Variants in TUSC3 observed in about 807,000 individuals in gnomAD.
TUSC3 encodes tumor suppressor candidate 3.
A neutral mutation model predicts 44.8 loss-of-function variants in TUSC3; 45 were observed. The observed-to-expected ratio is 1.00, with a 90% CI of 0.79 to 1.29. The LOEUF is 1.29. Ranked by LOEUF, TUSC3 falls within the 50% of genes most tolerant of loss-of-function variation. The pLI, the probability that TUSC3 is intolerant of heterozygous loss-of-function variation, is 0.00. For missense variants in TUSC3, 519 were observed against 437.9 expected, an observed-to-expected ratio of 1.19 and a Z score of -1.65; for synonymous variants, 212 against 152.9, an observed-to-expected ratio of 1.39 and a Z score of -2.85.
chr8:15,533,851 C>T (rs1801483299), intron 2 of TUSC3, among the ~76,000 whole-genome samples: 1 of 152,010 alleles, frequency 6.6e-6, no homozygotes, highest in East Asian at 1.9e-4. Flanking sequence ...TCTCTCCAGT[C>T]AGTGGGGAGG....
intron 1 of TUSC3, among the ~76,000 whole-genome samples, chr8:15,604,392 T>G (rs2129155968): frequency 6.6e-6 from 1 of 151,902 alleles, no homozygotes; most frequent in East Asian, 1.9e-4. Context: ...ACAGACCTTA[T>G]TCGATGATAA....
chr8:15,850,864 A>G, the TUSC3 span, among the ~76,000 whole-genome samples: 1 of 152,226 alleles, frequency 6.6e-6, no homozygotes, highest in African/African-American at 2.4e-5. Flanking sequence ...TCTAGCTTCT[A>G]TGAGTTGAAA....
In TUSC3 at chr8:15,647,791, G is replaced by A. The variant is rs930344610; in HGVS notation, c.309-2906G>A. Among the ~76,000 whole-genome samples the A allele has an allele frequency of 5.3e-5, 8 of 151,838 alleles. No individual in the cohort carries two copies. In the East Asian group the frequency reaches 7.7e-4, roughly 15 times the overall value. On this transcript the variant is annotated intron_variant, in intron 2 of 10. Coordinates refer to ENST00000503731, the MANE Select transcript of TUSC3 (RefSeq NM_006765.4). ...TTCAAACTTGATTATTTGTCTCAAC[G>A]TGCAATTTTAAATAGAAAATAATAT...
intron 2 of TUSC3, among the ~76,000 whole-genome samples, chr8:15,516,905 AG>A (rs1251262467): frequency 6.6e-6 from 1 of 152,190 alleles, no homozygotes. Context: ...TGTAATTTTA[AG>A]GAGTGAGATT....
the TUSC3 span, among the ~76,000 whole-genome samples, chr8:15,798,487 A>T: frequency 6.6e-6 from 1 of 152,166 alleles, no homozygotes; most frequent in Admixed American, 6.5e-5. Flanking sequence ...AAAGTCGCTG[A>T]GATCGGGGTA....
chr8:15,726,442 T>C (rs1227660050), intron 6 of TUSC3, among the ~76,000 whole-genome samples: 2 of 152,214 alleles, frequency 1.3e-5, no homozygotes, highest in Non-Finnish European at 2.9e-5. Flanking sequence ...AATTTTGTTA[T>C]AACCTTATTT....
intron 2 of TUSC3, among the ~76,000 whole-genome samples, chr8:15,492,857 G>A (rs1360689365): frequency 1.3e-5 from 2 of 151,568 alleles, no homozygotes; most frequent in Non-Finnish European, 2.9e-5. Flanking sequence ...TATAGAATAT[G>A]CAAAATATTA....
intron 3 of TUSC3, chr8:15,651,018 C>A (rs28758439): frequency 5.6e-6 from 2 of 354,782 alleles, no homozygotes; most frequent in Non-Finnish European, 1.0e-5. Flanking sequence ...CACACACACA[C>A]ACACAAATAC....
upstream of TUSC3, among the ~76,000 whole-genome samples, chr8:15,538,989 A>AGCTAGGACTAGGAATAG (rs1314374840): frequency 1.3e-5 from 2 of 151,406 alleles, no homozygotes; most frequent in Non-Finnish European, 2.9e-5. Context: ...AGCTAGGACT[A>AGCTAGGACTAGGAATAG]CAAGTACTCC....
chr8:15,691,456 A>G lies in TUSC3; in HGVS notation c.798+17620A>G, dbSNP rs527759391. Among the ~76,000 whole-genome samples the G allele has an allele frequency of 3.9e-5, 6 of 152,342 alleles. No individual in the cohort carries two copies. The South Asian group carries it at 8.3e-4, about 21-fold the overall frequency. On this transcript the variant is annotated intron_variant, in intron 6 of 10. Coordinates refer to ENST00000503731, the MANE Select transcript of TUSC3 (RefSeq NM_006765.4). ...GTGGAGAGTTAAATTGTCTGCAAAC[A>G]TAGATAGTTTGACTTCCTCTCTTTT...
rs145383918 is a variant in TUSC3, at chr8:15,763,398, G to C, written c.*47-805G>C. Among the ~76,000 whole-genome samples, 1,165 of 150,916 alleles carry C rather than the reference G, an allele frequency of 7.7e-3. 12 individuals are homozygous for C. The highest frequency in any genetic ancestry group is 0.026 in the African/African-American group (1,078 of 41,240). ...AGCTACATGTTTTTTTTTTGATGTTGTTGTTTTTTGTTTTCTTTTTTTAAG... is the reference window on the plus strand; with the variant it reads ...AGCTACATGTTTTTTTTTTGATGTTCTTGTTTTTTGTTTTCTTTTTTTAAG... On this transcript the variant is annotated intron_variant, in intron 10 of 10. Transcript: ENST00000503731.
At chr8:15,650,396 A>T (rs1270077343) in intron 2 of TUSC3, among the ~76,000 whole-genome samples, 1 of 152,154 alleles carries the variant, frequency 6.6e-6, no homozygotes, top group South Asian at 2.1e-4. Context: ...AGGCTTTGTG[A>T]TACATGTAGT....
chr8:15,693,441 CTTTT>C (rs35915071), intron 6 of TUSC3, among the ~76,000 whole-genome samples: 2 of 96,900 alleles, frequency 2.1e-5, no homozygotes, highest in Non-Finnish European at 3.8e-5. Context: ...GTTGGAAGTT[CTTTT>C]TTTTTTTTTT....
intron 1 of TUSC3, among the ~76,000 whole-genome samples, chr8:15,592,561 C>G (rs1354784247): frequency 6.6e-6 from 1 of 152,146 alleles, no homozygotes; most frequent in African/African-American, 2.4e-5. Context: ...CTTTTGCTCG[C>G]TCTCACCATG....
intron 1 of TUSC3, among the ~76,000 whole-genome samples, chr8:15,597,309 T>C (rs1393680468): frequency 6.6e-6 from 1 of 152,112 alleles, no homozygotes; most frequent in Non-Finnish European, 1.5e-5. Context: ...ACCAGTATCA[T>C]TTGGTTTATC....
rs182528357 is a variant in TUSC3 at position 15,575,583 on chromosome 8, A to G, written c.138+35015A>G. On this transcript the variant is annotated intron_variant, in intron 1 of 10. Coordinates refer to ENST00000503731, the MANE Select transcript of TUSC3 (RefSeq NM_006765.4). The stretch of plus-strand genomic sequence containing the variant: ...GGAGTTTGAGATCAGCCTGGCCAAC[A>G]TGGTGAAAACCCGTCTCTATTTAAA... 4.3e-3 allele frequency among the ~76,000 whole-genome samples: 658 copies of G among 152,220 alleles called. 7 individuals are homozygous for G. The highest frequency in any genetic ancestry group is 0.015 in the African/African-American group (619 of 41,546).
chr8:15,564,343 A>T (rs992806868), intron 1 of TUSC3, among the ~76,000 whole-genome samples: 1 of 152,204 alleles, frequency 6.6e-6, no homozygotes, highest in African/African-American at 2.4e-5. Flanking sequence ...CTCATTTGAA[A>T]TATTCATATA....
At chr8:15,639,024 C>T (rs1390348250) in intron 2 of TUSC3, among the ~76,000 whole-genome samples, 1 of 143,750 alleles carries the variant, frequency 7.0e-6, no homozygotes, top group Non-Finnish European at 1.5e-5. Context: ...TGTGTCGATG[C>T]TAGATCACGT....
At chr8:15,822,978 C>T in the TUSC3 span, among the ~76,000 whole-genome samples, 8 of 151,938 alleles carry the variant, frequency 5.3e-5, no homozygotes, top group African/African-American at 7.3e-5. Context: ...TCAATAATAC[C>T]GACCACTAAA....
Sources: allele counts gnomAD v4.1 joint callset (sites outside exome capture counted in the v4.1 genomes callset), GRCh38; gene constraint gnomAD v4.1.1; transcripts MANE v1.5; gene names NCBI Gene and HGNC (gene_info 2026-07-23, HGNC 2026-07-21).